Variants in PTPRJ observed in about 807,000 individuals in gnomAD.
The protein encoded by PTPRJ is protein tyrosine phosphatase receptor type J, also known as receptor-type tyrosine-protein phosphatase eta.
Under a neutral mutation model 141.3 loss-of-function variants are expected in PTPRJ, and 129 were observed. That is an observed-to-expected ratio of 0.91 (90% CI 0.79 to 1.06). The LOEUF (loss-of-function observed/expected upper bound fraction) is 1.06, where lower values mean the gene tolerates loss of function less well. Ranked by LOEUF, PTPRJ falls within the 50% of genes least tolerant of loss-of-function variation. The pLI, the probability that PTPRJ is intolerant of heterozygous loss-of-function variation, is 0.00. For synonymous variants in PTPRJ, 610 were observed against 640.5 expected, an observed-to-expected ratio of 0.95 and a Z score of 0.72; for missense variants, 1,601 against 1,679.7, an observed-to-expected ratio of 0.95 and a Z score of 0.82.
intron 22 of PTPRJ, 40 bp downstream of exon 22, chr11:48,160,089 C>T: frequency 1.9e-6 from 3 of 1,601,846 alleles, no homozygotes; most frequent in Non-Finnish European, 2.6e-6. Context: ...CATGTAATTA[C>T]CATATGTTAA....
rs116088520 is a variant in PTPRJ at position 48,090,133 on chromosome 11, C to A, written c.97-19925C>A. 1.4e-3 allele frequency among the ~76,000 whole-genome samples: 215 copies of A among 152,272 alleles called. 1 individual carries two copies. Among genetic ancestry groups the A allele is most frequent in the African/African-American group, 5.0e-3 (206 of 41,556 alleles). On this transcript the variant is annotated intron_variant, in intron 1 of 24. Transcript: ENST00000418331. ...GAAACTCTCTTTAATTCCCAGTCTG[C>A]TGTGATTCAGTGCTGGCCTGGGAGC...
chr11:48,123,826 CAAAT>C lies in PTPRJ; in HGVS notation c.833_836del (p.Asn278ArgfsTer57). On this transcript the variant is annotated frameshift_variant, in exon 5 of 25. Transcript: ENST00000418331. LOFTEE classifies it high-confidence loss of function. ...AACATCAACCCGTATCTTCTACAATCAAATAAGACAAAGGGAGACCCCTTGGGCA... is the reference window on the plus strand; with the variant it reads ...AACATCAACCCGTATCTTCTACAATCAAGACAAAGGGAGACCCCTTGGGCA... The C allele has an allele frequency of 1.2e-6, 2 of 1,614,070 alleles. No individual in the cohort carries two copies. The highest frequency in any genetic ancestry group is 1.7e-6 in the Non-Finnish European group (2 of 1,179,970).
intron 1 of PTPRJ, among the ~76,000 whole-genome samples, chr11:48,061,543 C>T (rs1055716481): frequency 1.3e-5 from 2 of 152,192 alleles, no homozygotes; most frequent in Non-Finnish European, 2.9e-5. Flanking sequence ...ATCATGATCT[C>T]TGTTCGGTGG....
At chr11:48,121,336 G>T in intron 4 of PTPRJ, 70 bp downstream of exon 4, 1 of 1,494,992 alleles carries the variant, frequency 6.7e-7, no homozygotes, top group South Asian at 1.2e-5. Context: ...GGCCTTGTCC[G>T]TTCAAGTTGC....
intron 1 of PTPRJ, among the ~76,000 whole-genome samples, chr11:48,062,241 C>T (rs942769686): frequency 6.8e-6 from 1 of 147,882 alleles, no homozygotes; most frequent in South Asian, 2.4e-4. Context: ...AGGCCAGGCG[C>T]GGTGGCTCAT....
chr11:48,046,971 A>C (rs1854422891), intron 1 of PTPRJ, among the ~76,000 whole-genome samples: 2 of 138,268 alleles, frequency 1.4e-5, no homozygotes, highest in East Asian at 4.3e-4. Context: ...GCTGGAGCGC[A>C]ATGGTGTGAT....
At chr11:48,059,080 T>C (rs1854840564) in intron 1 of PTPRJ, among the ~76,000 whole-genome samples, 1 of 149,826 alleles carries the variant, frequency 6.7e-6, no homozygotes, top group Non-Finnish European at 1.5e-5. Flanking sequence ...TCCCGATCAG[T>C]ACTCCTGATC....
intron 21 of PTPRJ, among the ~76,000 whole-genome samples, chr11:48,157,024 T>C (rs1857627768): frequency 6.6e-6 from 1 of 151,638 alleles, no homozygotes; most frequent in Non-Finnish European, 1.5e-5. Context: ...GGAGTCTCAC[T>C]CTGTCGCCAG....
chr11:48,013,058 T>G (rs1289860549), intron 1 of PTPRJ, among the ~76,000 whole-genome samples: 1 of 149,956 alleles, frequency 6.7e-6, no homozygotes, highest in Non-Finnish European at 1.5e-5. Flanking sequence ...GGGCTGAGAT[T>G]GTGCCACTGC....
intron 3 of PTPRJ, among the ~76,000 whole-genome samples, chr11:48,117,473 AGAGATT>A (rs1856596441): frequency 7.3e-6 from 1 of 137,862 alleles, no homozygotes; most frequent in Non-Finnish European, 1.5e-5. Flanking sequence ...CCCAGAGGGC[AGAGATT>A]GCAGTGAGCC....
At chr11:48,015,351 C>G (rs1275381585) in intron 1 of PTPRJ, among the ~76,000 whole-genome samples, 1 of 151,684 alleles carries the variant, frequency 6.6e-6, no homozygotes, top group Non-Finnish European at 1.5e-5. Context: ...CACCTGAGAG[C>G]TAGATTTGTG....
intron 23 of PTPRJ, among the ~76,000 whole-genome samples, chr11:48,163,956 A>G (rs1857848749): frequency 6.6e-6 from 1 of 152,240 alleles, no homozygotes; most frequent in Middle Eastern, 3.2e-3. Flanking sequence ...GATGTTAACT[A>G]TCTGGCCCTT....
chr11:48,035,759 T>A (rs1006106523), intron 1 of PTPRJ, among the ~76,000 whole-genome samples: 2 of 152,088 alleles, frequency 1.3e-5, no homozygotes, highest in Non-Finnish European at 2.9e-5. Context: ...AAAACTTCAG[T>A]GTTAGCAGTG....
intron 14 of PTPRJ, among the ~76,000 whole-genome samples, chr11:48,145,888 G>A (rs929240373): frequency 1.3e-4 from 20 of 152,046 alleles, no homozygotes; most frequent in African/African-American, 4.3e-4. Context: ...ACGGAGTGTT[G>A]CTCTGTTGCC....
intron 1 of PTPRJ, among the ~76,000 whole-genome samples, chr11:47,985,286 T>A (rs1350742751): frequency 6.6e-6 from 1 of 152,112 alleles, no homozygotes; most frequent in African/African-American, 2.4e-5. Context: ...TATCTGGGAC[T>A]AAAGGCGTGT....
intron 1 of PTPRJ, among the ~76,000 whole-genome samples, chr11:48,088,525 C>T (rs117787532): frequency 5.3e-5 from 8 of 152,280 alleles, no homozygotes; most frequent in South Asian, 2.1e-4. Flanking sequence ...CCAAACGCTC[C>T]TGGCTTGCTG....
In PTPRJ at chr11:48,123,856, C is replaced by G; in HGVS notation, c.860C>G (p.Thr287Arg). Residue 287 changes from threonine (T) to arginine (R), a missense_variant, in exon 5 of 25, where the codon ACA becomes AGA. Physicochemically the swap from Thr to Arg is moderately conservative, Grantham distance 71. Coordinates refer to ENST00000418331, the MANE Select transcript of PTPRJ (RefSeq NM_002843.4). The stretch of plus-strand genomic sequence containing the variant: ...AAGACAAAGGGAGACCCCTTGGGCA[C>G]AGAAGGTGGCTTGGGTGAGTTACAA... ...SNKTKGDPLG[T>R]EGGLDASNTE... is the part of the protein sequence containing the mutation. The G allele has an allele frequency of 6.2e-7, 1 of 1,613,930 alleles. No individual in the cohort carries two copies. The highest frequency in any genetic ancestry group is 8.5e-7 in the Non-Finnish European group (1 of 1,179,850).
At chr11:47,988,423 G>T (rs1244684023) in intron 1 of PTPRJ, among the ~76,000 whole-genome samples, 1 of 151,598 alleles carries the variant, frequency 6.6e-6, no homozygotes, top group Non-Finnish European at 1.5e-5. Flanking sequence ...TCGGCTCACT[G>T]CAGCCTCTGC....
At chr11:48,042,313 T>C (rs922791398) in intron 1 of PTPRJ, among the ~76,000 whole-genome samples, 3 of 152,158 alleles carry the variant, frequency 2.0e-5, no homozygotes, top group Non-Finnish European at 4.4e-5. Context: ...TATGTTCTGC[T>C]CATGAATAGA....
Sources: allele counts gnomAD v4.1 joint callset (sites outside exome capture counted in the v4.1 genomes callset), GRCh38; gene constraint gnomAD v4.1.1; transcripts MANE v1.5; gene names NCBI Gene and HGNC (gene_info 2026-07-23, HGNC 2026-07-21).